The following DISP1 variants were observed in gnomAD, a reference collection of about 807,000 sequenced individuals.
DISP1 encodes protein dispatched homolog 1.
DISP1 carries 30 observed loss-of-function variants against 37.3 expected under a neutral mutation model. The ratio of observed to expected loss-of-function variants is 0.80; its 90% confidence interval spans 0.60 to 1.09. The LOEUF is 1.09. Among genes scored for constraint, DISP1 ranks in the 50% least tolerant of loss-of-function variants. The pLI is 0.00. For synonymous variants in DISP1, 634 were observed against 690.2 expected (o/e 0.92, Z 1.28); for missense variants, 1,598 against 1,879.5 (o/e 0.85, Z 2.77).
intron 1 of DISP1, among the ~76,000 whole-genome samples, chr1:222,873,569 C>T (rs1248839889): frequency 6.6e-6 from 1 of 152,186 alleles, no homozygotes; most frequent in East Asian, 1.9e-4. Flanking sequence ...GACTTAATGT[C>T]TGTTTTATCC....
At position 222,990,644 on chromosome 1, in the gene DISP1, G is replaced by A. The variant is rs758163679; in HGVS notation, c.559G>A (p.Asp187Asn). 41 of 1,613,936 alleles carry A rather than the reference G, an allele frequency of 2.5e-5. No homozygotes were observed. The Admixed American group carries it at 2.8e-4, about 11-fold the overall frequency. Residue 187 changes from aspartate to asparagine, a missense_variant, in exon 5 of 9, where the codon GAC becomes AAC. Transcript: ENST00000675850. ...TTGTAGTTATGCAGCCCTGATAGCCGACTGGCCGGTGGTGGTCTTGGGCAT... is the reference window on the plus strand; with the variant it reads ...TTGTAGTTATGCAGCCCTGATAGCCAACTGGCCGGTGGTGGTCTTGGGCAT... Reference protein sequence around the residue: ...LPKSYAALIADWPVVVLGMCT... With the variant: ...LPKSYAALIANWPVVVLGMCT...
chr1:222,959,151 A>G (rs1675837703), intron 3 of DISP1, among the ~76,000 whole-genome samples: 1 of 152,168 alleles, frequency 6.6e-6, no homozygotes, highest in Non-Finnish European at 1.5e-5. Flanking sequence ...AGTATAAAGA[A>G]TTTTTTAAAA....
chr1:222,914,937 A>G (rs1672410633), intron 1 of DISP1, among the ~76,000 whole-genome samples: 1 of 152,196 alleles, frequency 6.6e-6, no homozygotes, highest in Non-Finnish European at 1.5e-5. Flanking sequence ...ACTGCAGTCC[A>G]GCTTGGTTGT....
chr1:222,983,162 T>G, intron 4 of DISP1, 53 bp downstream of exon 4: 1 of 1,315,242 alleles, frequency 7.6e-7, no homozygotes, highest in South Asian at 1.2e-5. Flanking sequence ...GCATGCTTTT[T>G]CCAGTCTAGT....
chr1:222,975,867 G>A (rs1677281592), intron 3 of DISP1, among the ~76,000 whole-genome samples: 1 of 152,158 alleles, frequency 6.6e-6, no homozygotes, highest in African/African-American at 2.4e-5. Flanking sequence ...CTCAAATAAT[G>A]TCACTGTCAC....
chr1:222,883,242 C>A (rs1418356544), intron 1 of DISP1, among the ~76,000 whole-genome samples: 1 of 152,052 alleles, frequency 6.6e-6, no homozygotes, highest in Non-Finnish European at 1.5e-5. Flanking sequence ...AATTTAGAAG[C>A]AGTAACAGTA....
At chr1:222,984,739 T>C (rs995875703) in intron 4 of DISP1, among the ~76,000 whole-genome samples, 1 of 150,670 alleles carries the variant, frequency 6.6e-6, no homozygotes, top group Non-Finnish European at 1.5e-5. Context: ...TTTCCAAAAC[T>C]TTTTTTCTGT....
At chr1:222,981,098 T>G (rs773326290) in intron 3 of DISP1, among the ~76,000 whole-genome samples, 25 of 152,220 alleles carry the variant, frequency 1.6e-4, no homozygotes, top group Non-Finnish European at 2.8e-4. Flanking sequence ...ATGACTTCTC[T>G]TATGCTGTTC....
chr1:222,976,882 T>C (rs1040304088), intron 3 of DISP1, among the ~76,000 whole-genome samples: 2 of 152,222 alleles, frequency 1.3e-5, no homozygotes, highest in Non-Finnish European at 1.5e-5. Context: ...TCAAGATGTA[T>C]TTTTAAGAAT....
At chr1:222,843,214 G>T (rs1667708379) in intron 1 of DISP1, among the ~76,000 whole-genome samples, 1 of 151,910 alleles carries the variant, frequency 6.6e-6, no homozygotes, top group Non-Finnish European at 1.5e-5. Flanking sequence ...GAAATGCAGT[G>T]TTATCACTGC....
intron 1 of DISP1, among the ~76,000 whole-genome samples, chr1:222,832,125 C>G (rs922368802): frequency 1.3e-5 from 2 of 151,322 alleles, no homozygotes; most frequent in East Asian, 3.9e-4. Context: ...ACTAAAAATT[C>G]AAAAAAAATG....
At chr1:222,924,588 A>G (rs576204133) in intron 1 of DISP1, among the ~76,000 whole-genome samples, 1 of 152,288 alleles carries the variant, frequency 6.6e-6, no homozygotes, top group African/African-American at 2.4e-5. Flanking sequence ...AAAATCCAAT[A>G]TAGAATATTA....
chr1:222,937,614 C>T (rs1674049901), intron 2 of DISP1, among the ~76,000 whole-genome samples: 1 of 151,976 alleles, frequency 6.6e-6, no homozygotes. Flanking sequence ...CTTGTAGCCC[C>T]AAAATTGCTA....
At chr1:222,925,718 A>ACAG (rs1558332722) in intron 1 of DISP1, among the ~76,000 whole-genome samples, 1 of 152,054 alleles carries the variant, frequency 6.6e-6, no homozygotes, top group African/African-American at 2.4e-5. Context: ...GGGTCCCAGA[A>ACAG]CAGCAGCAGC....
At chr1:222,988,613 C>A (rs1217771066) in intron 4 of DISP1, among the ~76,000 whole-genome samples, 1 of 149,008 alleles carries the variant, frequency 6.7e-6, no homozygotes, top group Admixed American at 6.7e-5. Flanking sequence ...TCTCTCTTCT[C>A]TTTCTTTCTT....
intron 1 of DISP1, among the ~76,000 whole-genome samples, chr1:222,902,037 T>G (rs2125405926): frequency 6.6e-6 from 1 of 152,276 alleles, no homozygotes; most frequent in Admixed American, 6.5e-5. Flanking sequence ...TCTATTTGAT[T>G]CTTCTCTCTT....
chr1:222,854,629 C>T (rs570225222), intron 1 of DISP1, among the ~76,000 whole-genome samples: 17 of 152,096 alleles, frequency 1.1e-4, no homozygotes, highest in African/African-American at 3.6e-4. Context: ...TAAGGAATAC[C>T]GTTTGGACAC....
chr1:222,907,723 C>T (rs887380172), intron 1 of DISP1, among the ~76,000 whole-genome samples: 4 of 151,976 alleles, frequency 2.6e-5, no homozygotes, highest in Non-Finnish European at 4.4e-5. Context: ...AGGCCAAGGT[C>T]GGCGGATCAC....
chr1:222,919,124 G>C (rs969841568), intron 1 of DISP1, among the ~76,000 whole-genome samples: 1 of 152,168 alleles, frequency 6.6e-6, no homozygotes, highest in Non-Finnish European at 1.5e-5. Context: ...ACCACCAACC[G>C]GCAATTAAGG....
Sources: allele counts gnomAD v4.1 joint callset (sites outside exome capture counted in the v4.1 genomes callset), GRCh38; gene constraint gnomAD v4.1.1; transcripts MANE v1.5; gene names NCBI Gene and HGNC (gene_info 2026-07-23, HGNC 2026-07-21).